The following BOC variants were observed in gnomAD, a reference collection of about 807,000 sequenced individuals.
BOC encodes brother of CDO.
BOC carries 76 observed loss-of-function variants against 112.0 expected under a neutral mutation model. The ratio of observed to expected loss-of-function variants is 0.68; its 90% confidence interval spans 0.56 to 0.82. BOC has a LOEUF of 0.82. Among genes scored for constraint, BOC ranks in the 40% least tolerant of loss-of-function variants. The pLI, the probability that BOC is intolerant of heterozygous loss-of-function variation, is 0.00. For missense variants in BOC, 1,309 were observed against 1,511.7 expected (o/e 0.87, Z 2.22); for synonymous variants, 580 against 599.8 (o/e 0.97, Z 0.48).
chr3:113,273,377 T>G lies in BOC; in HGVS notation c.1234+36T>G, dbSNP rs779374530. The G allele has an allele frequency of 4.5e-6, 7 of 1,549,390 alleles. No individual in the cohort carries two copies. In the South Asian group the frequency reaches 8.3e-5, roughly 18 times the overall value. On this transcript the variant is annotated intron_variant, in intron 8 of 19. Coordinates refer to ENST00000682979, the MANE Select transcript of BOC (RefSeq NM_001378074.1). The stretch of plus-strand genomic sequence containing the variant: ...CCCAGGGGTCTGAGATTCCAGCTGA[T>G]GATTCACTGAATCCTTTTCTCAAAT...
Position 113,284,775 on chromosome 3 carries a change from T to C in BOC, c.2890-7T>C. ...GTGGCCGTCTCATTACTCTTCCTTT[T>C]GAGCAGCAGAGTGACACCAGCAGCC... On this transcript the variant is annotated splice_polypyrimidine_tract_variant and splice_region_variant and intron_variant, in intron 17 of 19. Coordinates refer to ENST00000682979, the MANE Select transcript of BOC (RefSeq NM_001378074.1). 1 of 1,614,078 alleles carries C rather than the reference T, an allele frequency of 6.2e-7. No individual in the cohort carries two copies. The highest frequency in any genetic ancestry group is 2.2e-5 in the East Asian group (1 of 44,878).
At chr3:113,239,206 G>GT (rs958533220) in intron 2 of BOC, among the ~76,000 whole-genome samples, 11 of 142,442 alleles carry the variant, frequency 7.7e-5, no homozygotes, top group Admixed American at 4.0e-4. Context: ...ATCTTCACCT[G>GT]TTTTTTTTAA....
Position 113,278,894 on chromosome 3 carries a change from C to T in BOC, c.1816+111C>T. Reference sequence around the variant, plus strand: ...TTCTGTAGGTCCAGGGTTTTTATGACATCTCCCAGTTAACCACAATGAGGA... The same window carrying T: ...TTCTGTAGGTCCAGGGTTTTTATGATATCTCCCAGTTAACCACAATGAGGA... On this transcript the variant is annotated intron_variant, in intron 11 of 19. Transcript: ENST00000682979. The surrounding 1 kb of genome is among the most constrained non-coding windows in gnomAD (Gnocchi z 4.2). 3.4e-6 allele frequency: 3 copies of T among 878,336 alleles called. No homozygotes were observed. Among genetic ancestry groups the T allele is most frequent in the Non-Finnish European group, 5.3e-6 (3 of 567,752 alleles). 54.4% of individuals were successfully genotyped at this position (878,336 alleles called of 1,614,324 possible).
At chr3:113,234,988 G>A (rs758723846) in intron 2 of BOC, among the ~76,000 whole-genome samples, 1 of 152,130 alleles carries the variant, frequency 6.6e-6, no homozygotes, top group African/African-American at 2.4e-5. Flanking sequence ...GTCTTCCTCT[G>A]AGCCTGTTTA....
Position 113,278,879 on chromosome 3 carries a change from C to G in BOC, c.1816+96C>G. ...TGAATGGGGTCTTGCTTCTGTAGGT[C>G]CAGGGTTTTTATGACATCTCCCAGT... is the stretch of plus-strand genomic sequence containing the variant. On this transcript the variant is annotated intron_variant, in intron 11 of 19. Transcript: ENST00000682979. This position sits in a 1 kb window ranked among gnomAD's most constrained non-coding sequence, Gnocchi z 4.2. 1.9e-6 allele frequency: 2 copies of G among 1,050,428 alleles called. No individual in the cohort carries two copies. Among genetic ancestry groups the G allele is most frequent in the Non-Finnish European group, 2.8e-6 (2 of 714,622 alleles). The allele number at this position is 1,050,428 out of a possible 1,614,324, so 65.1% of individuals were successfully genotyped here.
intron 2 of BOC, among the ~76,000 whole-genome samples, chr3:113,245,936 C>G (rs1944872322): frequency 6.6e-6 from 1 of 152,160 alleles, no homozygotes; most frequent in African/African-American, 2.4e-5. Flanking sequence ...TTGTGGTGTT[C>G]TCACTCTTGA....
Position 113,274,743 on chromosome 3 carries a change from G to A in BOC, c.1542+61G>A. The A allele has an allele frequency of 2.7e-6, 4 of 1,500,928 alleles. No homozygotes were observed. In the African/African-American group the frequency reaches 4.2e-5, roughly 16 times the overall value. The allele number at this position is 1,500,928 out of a possible 1,614,324, so 93.0% of individuals were successfully genotyped here. On this transcript the variant is annotated intron_variant, in intron 9 of 19. Transcript: ENST00000682979. This position sits in a 1 kb window ranked among gnomAD's most constrained non-coding sequence, Gnocchi z 4.8. The stretch of plus-strand genomic sequence containing the variant: ...ACAGCCTTTCCAGCAAGGCTGAGCA[G>A]AGTCACTGTCTCTTGGCCATCTCCC...
chr3:113,219,392 C>T (rs1940132190), intron 2 of BOC, among the ~76,000 whole-genome samples: 1 of 152,218 alleles, frequency 6.6e-6, no homozygotes, highest in Non-Finnish European at 1.5e-5. Context: ...TTAAAGCACT[C>T]CAAGCATTAT....
In BOC at chr3:113,281,014, C is replaced by T; in HGVS notation, c.2312-17C>T. ...TATACACATTGCCATGCACCATTCT[C>T]TGACTCTGTTTCCCAGGGGACAAGT... On this transcript the variant is annotated splice_polypyrimidine_tract_variant and intron_variant, in intron 14 of 19. Coordinates refer to ENST00000682979, the MANE Select transcript of BOC (RefSeq NM_001378074.1). The T allele has an allele frequency of 6.2e-7, 1 of 1,613,418 alleles. No individual in the cohort carries two copies. Among genetic ancestry groups the T allele is most frequent in the Non-Finnish European group, 8.5e-7 (1 of 1,179,836 alleles).
At chr3:113,214,696 C>A (rs774369814) in intron 1 of BOC, among the ~76,000 whole-genome samples, 3 of 152,092 alleles carry the variant, frequency 2.0e-5, no homozygotes, top group Non-Finnish European at 4.4e-5. Flanking sequence ...AGAAAAGAAT[C>A]GAAATTTGAG....
chr3:113,234,174 G>A (rs1278019966), intron 2 of BOC, among the ~76,000 whole-genome samples: 1 of 152,078 alleles, frequency 6.6e-6, no homozygotes, highest in Non-Finnish European at 1.5e-5. Flanking sequence ...AAGCGATGCT[G>A]ACACATAGAC....
rs34208374 is a variant in BOC at position 113,250,585 on chromosome 3, C to A, written c.128C>A (p.Ala43Glu). 1 of 1,613,644 alleles carries A rather than the reference C, an allele frequency of 6.2e-7. No homozygotes were observed. ...NEVPQVTVQP[A>E]STVQKPGGTV... ...GTCCCTCAGGTCACCGTCCAGCCTGCGTCCACCGTCCAGAAGCCCGGAGGC... is the reference window on the plus strand; with the variant it reads ...GTCCCTCAGGTCACCGTCCAGCCTGAGTCCACCGTCCAGAAGCCCGGAGGC... The change falls in exon 4 of 20, where the codon GCG becomes GAG. Residue 43 changes from alanine (A) to glutamate (E), a missense_variant. Coordinates refer to ENST00000682979, the MANE Select transcript of BOC (RefSeq NM_001378074.1).
intron 12 of BOC, 95 bp downstream of exon 12, chr3:113,279,550 G>T: frequency 8.0e-7 from 1 of 1,255,078 alleles, no homozygotes; most frequent in Non-Finnish European, 1.1e-6. Context: ...CCTTCTCTCG[G>T]CCCAGGCCCC....
rs141739808 is a variant in BOC at position 113,252,911 on chromosome 3, A to C, written c.376+2078A>C. Among the ~76,000 whole-genome samples the C allele has an allele frequency of 3.9e-5, 6 of 152,252 alleles. 1 individual carries two copies. The highest frequency in any genetic ancestry group is 1.4e-4 in the African/African-American group (6 of 41,568). On this transcript the variant is annotated intron_variant, in intron 4 of 19. Transcript: ENST00000682979. ...CTGTGCTTGTTGGGCGGGGGCTGCT[A>C]TGAGGCTTGGGTGTTGAAGGTAGAG...
chr3:113,266,184 C>T (rs1576457540), intron 4 of BOC, among the ~76,000 whole-genome samples: 1 of 152,314 alleles, frequency 6.6e-6, no homozygotes, highest in African/African-American at 2.4e-5. Context: ...AGAAAGGAAT[C>T]AGACAGCCAA....
At chr3:113,248,683 G>T (rs1408531347) in intron 2 of BOC, among the ~76,000 whole-genome samples, 1 of 152,200 alleles carries the variant, frequency 6.6e-6, no homozygotes, top group Admixed American at 6.5e-5. Context: ...AAGTGTGTGT[G>T]TGTGTTAGAA....
At position 113,287,025 on chromosome 3, in the gene BOC, C is replaced by CA. The variant is rs763078176; in HGVS notation, c.*164dup. ...TATATGTTTTATAATTCTGGAGAGA[C>CA]ATAAGGAGTCCTACCCGTTGAGGTT... On this transcript the variant is annotated 3_prime_UTR_variant, in exon 20 of 20. Transcript: ENST00000682979. The CA allele has an allele frequency of 1.2e-5, 10 of 843,070 alleles. No homozygotes were observed. The African/African-American group carries it at 1.7e-4, about 14-fold the overall frequency. 52.2% of individuals were successfully genotyped at this position (843,070 alleles called of 1,614,324 possible).
chr3:113,232,890 C>T (rs1470432124), intron 2 of BOC, among the ~76,000 whole-genome samples: 1 of 152,076 alleles, frequency 6.6e-6, no homozygotes, highest in Non-Finnish European at 1.5e-5. Context: ...CTTCAGCATC[C>T]CTATGCGAGT....
At chr3:113,223,401 C>T (rs79206328) in intron 2 of BOC, among the ~76,000 whole-genome samples, 10,397 of 152,222 alleles carry the variant, frequency 0.068, 372 homozygotes, top group East Asian at 0.097. Context: ...TAACATCTTA[C>T]GTTGGTGCAG....
Sources: gnomAD v4.1 joint callset for allele counts (sites outside exome capture counted in the v4.1 genomes callset) on GRCh38, gnomAD v4.1.1 for gene constraint, Gnocchi (gnomAD v3.1) non-coding constraint, MANE v1.5 for transcripts, NCBI Gene and HGNC (gene_info 2026-07-23, HGNC 2026-07-21) for gene names.